The following ANXA2 variants were observed in gnomAD, a reference collection of about 807,000 sequenced individuals.
ANXA2 encodes the protein annexin A2.
Under a neutral mutation model 47.3 loss-of-function variants are expected in ANXA2, and 28 were observed. The observed-to-expected ratio is 0.59, with a 90% CI of 0.44 to 0.81. The LOEUF is 0.81. Ranked by LOEUF, ANXA2 falls within the 40% of genes least tolerant of loss-of-function variation. The pLI is 0.00. For synonymous variants in ANXA2, 172 were observed against 155.5 expected (o/e 1.11, Z -0.79); for missense variants, 384 against 414.3 (o/e 0.93, Z 0.64).
intron 7 of ANXA2, 184 bp downstream of exon 7, chr15:60,355,735 G>T: frequency 3.0e-6 from 2 of 673,284 alleles, no homozygotes; most frequent in Non-Finnish European, 5.5e-6. Flanking sequence ...GGTTTTGCAG[G>T]ATAAGAAATC....
At chr15:60,387,866 C>T (rs1009350518) in intron 1 of ANXA2, among the ~76,000 whole-genome samples, 3 of 152,260 alleles carry the variant, frequency 2.0e-5, no homozygotes, top group South Asian at 2.1e-4. Flanking sequence ...TTCTATTCAA[C>T]TTTGCCATGA....
chr15:60,356,964 G>A (rs1329604133), intron 6 of ANXA2, among the ~76,000 whole-genome samples, 182 bp downstream of exon 6: 1 of 152,160 alleles, frequency 6.6e-6, no homozygotes, highest in Non-Finnish European at 1.5e-5. Context: ...CAAAATGCAG[G>A]CAATGAGGAG....
chr15:60,387,144 T>C (rs371173617), intron 1 of ANXA2: 1 of 152,204 alleles, frequency 6.6e-6, no homozygotes, highest in African/African-American at 2.4e-5. Context: ...ACTAAGCAGA[T>C]CCCAGGCCTG....
At chr15:60,351,945 T>C in intron 9 of ANXA2, 126 bp from the exon 10 acceptor site, 1 of 702,246 alleles carries the variant, frequency 1.4e-6, no homozygotes, top group Admixed American at 2.6e-5. Context: ...TCCTAGGAGC[T>C]TAGAGGTTAC....
chr15:60,394,464 C>A (rs1455416400), intron 1 of ANXA2: 1 of 152,186 alleles, frequency 6.6e-6, no homozygotes, highest in Non-Finnish European at 1.5e-5. Flanking sequence ...TTTGGGAAGC[C>A]GAGACAGGCG....
At chr15:60,366,789 T>C (rs1299924024) in intron 3 of ANXA2, among the ~76,000 whole-genome samples, 5 of 43,946 alleles carry the variant, frequency 1.1e-4, no homozygotes, top group African/African-American at 2.6e-4. Flanking sequence ...AGCCGCCCCG[T>C]CCGGGAGGGA....
chr15:60,382,769 A>T, intron 2 of ANXA2: 1 of 177,454 alleles, frequency 5.6e-6, no homozygotes, highest in Non-Finnish European at 1.2e-5. Flanking sequence ...GAAGACCATT[A>T]AACTGGGCTG....
At chr15:60,376,416 A>G (rs899190865) in intron 3 of ANXA2, among the ~76,000 whole-genome samples, 3 of 152,038 alleles carry the variant, frequency 2.0e-5, no homozygotes, top group Admixed American at 6.5e-5. Context: ...GACAGATGCC[A>G]TAACAGCTCA....
intron 1 of ANXA2, 125 bp downstream of exon 1, chr15:60,397,818 T>C: frequency 7.9e-7 from 1 of 1,262,940 alleles, no homozygotes; most frequent in Admixed American, 3.8e-5. Context: ...TTCAGCCCCC[T>C]GCCCCCGACG....
rs755180893 is a variant in ANXA2, at chr15:60,361,073, T to C, written c.244-19A>G. ...CAAGTTCCTTCAAGATAACAGGCAA[T>C]CATAAGGAAAATATTTATTTTACTT... On this transcript the variant is annotated intron_variant, in intron 4 of 12. Transcript: ENST00000451270. The C allele has an allele frequency of 2.0e-6, 3 of 1,500,832 alleles. No individual in the cohort carries two copies. The African/African-American group carries it at 4.1e-5, about 21-fold the overall frequency. 93.0% of individuals were successfully genotyped at this position (1,500,832 alleles called of 1,614,324 possible).
chr15:60,371,244 C>G (rs1379787549), intron 3 of ANXA2, among the ~76,000 whole-genome samples: 5 of 152,206 alleles, frequency 3.3e-5, no homozygotes, highest in African/African-American at 4.8e-5. Flanking sequence ...GTCACTGTTC[C>G]AAATGCCAGT....
At chr15:60,379,037 T>C (rs1026153932) in intron 3 of ANXA2, among the ~76,000 whole-genome samples, 8 of 150,796 alleles carry the variant, frequency 5.3e-5, no homozygotes, top group Non-Finnish European at 1.0e-4. Flanking sequence ...TCCCAGCACT[T>C]TGGGAGGCCA....
chr15:60,353,206 C>T (rs932718567), intron 8 of ANXA2, among the ~76,000 whole-genome samples: 68 of 152,286 alleles, frequency 4.5e-4, no homozygotes, highest in African/African-American at 1.6e-3. Flanking sequence ...TTGAGATAAT[C>T]GTTGTCCCTC....
intron 6 of ANXA2, 99 bp downstream of exon 6, chr15:60,357,047 C>T (rs1322284130): frequency 3.5e-5 from 38 of 1,073,556 alleles, no homozygotes; most frequent in Admixed American, 9.1e-5. Context: ...CTGCACATCA[C>T]TAATGCAGGC....
At chr15:60,351,127 A>C in intron 11 of ANXA2, 66 bp downstream of exon 11, 1 of 1,552,436 alleles carries the variant, frequency 6.4e-7, no homozygotes, top group Middle Eastern at 1.7e-4. Context: ...AAGGAGACTC[A>C]ATTTGGGACC....
At chr15:60,393,296 G>A (rs148674202) in intron 1 of ANXA2, 305 of 1,013,966 alleles carry the variant, frequency 3.0e-4, no homozygotes, top group Middle Eastern at 4.9e-4. Flanking sequence ...TCTGGGGTTG[G>A]AGTGGGTGGA....
intron 1 of ANXA2, among the ~76,000 whole-genome samples, chr15:60,392,157 A>T (rs1049849907): frequency 1.3e-5 from 2 of 152,204 alleles, no homozygotes; most frequent in Non-Finnish European, 2.9e-5. Flanking sequence ...GCCCCACCCT[A>T]ATGAAAAGAA....
intron 1 of ANXA2, among the ~76,000 whole-genome samples, chr15:60,389,891 C>T (rs1033843320): frequency 6.6e-6 from 1 of 152,202 alleles, no homozygotes; most frequent in Non-Finnish European, 1.5e-5. Context: ...CTCTATCTTG[C>T]CTTTCACTGC....
At chr15:60,380,568 C>T (rs955333379) in intron 3 of ANXA2, among the ~76,000 whole-genome samples, 1 of 150,706 alleles carries the variant, frequency 6.6e-6, no homozygotes, top group Non-Finnish European at 1.5e-5. Flanking sequence ...CTTTGGGAGG[C>T]CAAGGCGGGC....
Sources: gnomAD v4.1 joint callset for allele counts (sites outside exome capture counted in the v4.1 genomes callset) on GRCh38, gnomAD v4.1.1 for gene constraint, MANE v1.5 for transcripts, NCBI Gene and HGNC (gene_info 2026-07-23, HGNC 2026-07-21) for gene names.